ACOT12: variants seen among roughly 807,000 people sequenced by gnomAD.
ACOT12 encodes the protein acyl-CoA thioesterase 12, also known as acetyl-coenzyme A thioesterase.
Under a neutral mutation model 67.7 loss-of-function variants are expected in ACOT12, and 51 were observed. That is an observed-to-expected ratio of 0.75 (90% CI 0.60 to 0.95). The LOEUF (loss-of-function observed/expected upper bound fraction) is 0.95. Among genes scored for constraint, ACOT12 ranks in the 40% least tolerant of loss-of-function variants. The pLI is 0.00. For synonymous variants in ACOT12, 251 were observed against 244.6 expected (o/e 1.03, Z -0.24); for missense variants, 734 against 708.1 (o/e 1.04, Z -0.41).
At chr5:81,386,210 C>A (rs1760721419) in intron 1 of ACOT12, among the ~76,000 whole-genome samples, 1 of 152,166 alleles carries the variant, frequency 6.6e-6, no homozygotes, top group Non-Finnish European at 1.5e-5. Context: ...TAGCCACTTG[C>A]CCACATAACC....
downstream of ACOT12, among the ~76,000 whole-genome samples, chr5:81,325,887 T>TG (rs1231329523): frequency 1.3e-5 from 2 of 152,102 alleles, no homozygotes; most frequent in Non-Finnish European, 2.9e-5. Flanking sequence ...CATGGCTCAC[T>TG]GCAGCCATGA....
intron 1 of ACOT12, among the ~76,000 whole-genome samples, chr5:81,393,228 C>T (rs1417551296): frequency 1.3e-5 from 2 of 152,250 alleles, no homozygotes; most frequent in South Asian, 2.1e-4. Flanking sequence ...TAGAGAGACT[C>T]GCCAGGATGT....
the ACOT12 span, among the ~76,000 whole-genome samples, chr5:81,320,315 A>T: frequency 6.6e-6 from 1 of 152,306 alleles, no homozygotes; most frequent in African/African-American, 2.4e-5. Context: ...CCTACTTACT[A>T]TGGGCAGTAT....
chr5:81,325,048 T>C (rs577662771), downstream of ACOT12, among the ~76,000 whole-genome samples: 5 of 152,082 alleles, frequency 3.3e-5, no homozygotes, highest in East Asian at 9.7e-4. Context: ...GTAAAGAAGC[T>C]CCTGAAGCAG....
intron 2 of ACOT12, among the ~76,000 whole-genome samples, chr5:81,380,898 C>T (rs1242035188): frequency 6.6e-6 from 1 of 152,012 alleles, no homozygotes; most frequent in African/African-American, 2.4e-5. Context: ...GATGGTATAG[C>T]CTCCTACACA....
the ACOT12 span, chr5:81,309,049 T>G: frequency 2.5e-6 from 4 of 1,591,602 alleles, no homozygotes; most frequent in Non-Finnish European, 3.4e-6. Flanking sequence ...GTAAGTACTG[T>G]TACCCTCATA....
chr5:81,379,219 C>T (rs1218721147), intron 2 of ACOT12, among the ~76,000 whole-genome samples: 1 of 151,142 alleles, frequency 6.6e-6, no homozygotes, highest in Non-Finnish European at 1.5e-5. Context: ...TCTCAGCAAA[C>T]TAACACAAGA....
intron 3 of ACOT12, among the ~76,000 whole-genome samples, chr5:81,365,719 C>T (rs1760057011): frequency 6.6e-6 from 1 of 152,158 alleles, no homozygotes; most frequent in Non-Finnish European, 1.5e-5. Flanking sequence ...AAATAGGCAA[C>T]ACAGGACTGT....
chr5:81,351,190 TC>T (rs1254363969), intron 5 of ACOT12, among the ~76,000 whole-genome samples: 1 of 152,264 alleles, frequency 6.6e-6, no homozygotes, highest in African/African-American at 2.4e-5. Flanking sequence ...ACAATCTTAA[TC>T]CCTTTCAATT....
chr5:81,332,526 G>GT lies in ACOT12; in HGVS notation c.1341dup (p.Pro448ThrfsTer18), dbSNP rs1407181990. 4.3e-6 allele frequency: 7 copies of GT among 1,614,040 alleles called. No homozygotes were observed. In the African/African-American group the frequency reaches 6.7e-5, roughly 15 times the overall value. ...GATACGAGTACTACCAAGTCTTTGG[G>GT]TTTGTCATCATTCAGTATAGGACAG... On this transcript the variant is annotated frameshift_variant, in exon 13 of 15. Coordinates refer to ENST00000307624, the MANE Select transcript of ACOT12 (RefSeq NM_130767.3). LOFTEE classifies it high-confidence loss of function.
At chr5:81,317,939 G>A in the ACOT12 span, among the ~76,000 whole-genome samples, 2 of 147,916 alleles carry the variant, frequency 1.4e-5, no homozygotes, top group Non-Finnish European at 3.0e-5. Context: ...CTGGAGTGCA[G>A]TGGCACAATC....
chr5:81,335,099 A>G (rs1340221768), intron 12 of ACOT12, among the ~76,000 whole-genome samples: 3 of 152,204 alleles, frequency 2.0e-5, no homozygotes, highest in African/African-American at 2.4e-5. Flanking sequence ...CTCAAGAGCA[A>G]TGAGGTTGCA....
chr5:81,391,388 A>C (rs1760860823), intron 1 of ACOT12, among the ~76,000 whole-genome samples: 1 of 152,238 alleles, frequency 6.6e-6, no homozygotes, highest in African/African-American at 2.4e-5. Context: ...TTATAAAACA[A>C]ACACAGAAAA....
intron 7 of ACOT12, among the ~76,000 whole-genome samples, chr5:81,345,361 C>T (rs1262436420): frequency 2.6e-5 from 4 of 151,914 alleles, no homozygotes; most frequent in African/African-American, 7.3e-5. Context: ...TAAATTATGC[C>T]AAAGTTAAGT....
chr5:81,378,111 C>G (rs1414847104), intron 2 of ACOT12, among the ~76,000 whole-genome samples: 5 of 152,176 alleles, frequency 3.3e-5, no homozygotes, highest in Non-Finnish European at 5.9e-5. Context: ...GTCACCAAAA[C>G]AGCATGGTAC....
At chr5:81,334,627 T>G (rs898322357) in intron 12 of ACOT12, among the ~76,000 whole-genome samples, 1 of 152,256 alleles carries the variant, frequency 6.6e-6, no homozygotes, top group Non-Finnish European at 1.5e-5. Context: ...TCTAAATCTC[T>G]ATCACAGTGA....
chr5:81,344,029 C>T, intron 9 of ACOT12, 131 bp downstream of exon 9: 1 of 1,237,958 alleles, frequency 8.1e-7, no homozygotes, highest in Non-Finnish European at 1.1e-6. Flanking sequence ...CAGTAGTCAG[C>T]CTTTGCGGCC....
chr5:81,376,726 C>T (rs1265279500), intron 2 of ACOT12, among the ~76,000 whole-genome samples: 1 of 152,104 alleles, frequency 6.6e-6, no homozygotes, highest in African/African-American at 2.4e-5. Context: ...CGCAAATAAA[C>T]TAGAAAATCT....
In ACOT12 at chr5:81,332,583, C is replaced by A. The variant is rs768692599; in HGVS notation, c.1285G>T (p.Val429Leu). ...HFVSCEVIDWVSEDDQLYHIT... is the reference protein window; with the variant it reads ...HFVSCEVIDWLSEDDQLYHIT... ...TGATACAGCTGATCATCTTCACTCA[C>A]CCAGTCTATGACTTCACAGGACCTG... Residue 429 changes from valine to leucine, a missense_variant, in exon 13 of 15, where the codon GTG becomes TTG. Physicochemically the swap from Val to Leu is conservative, Grantham distance 32 (BLOSUM62 1). Transcript: ENST00000307624. 2 of 1,613,952 alleles carry A rather than the reference C, an allele frequency of 1.2e-6. No homozygotes were observed.
Sources: allele counts gnomAD v4.1 joint callset (sites outside exome capture counted in the v4.1 genomes callset), GRCh38; gene constraint gnomAD v4.1.1; transcripts MANE v1.5; gene names NCBI Gene and HGNC (gene_info 2026-07-23, HGNC 2026-07-21).